Variants in EFHD1 observed in about 807,000 individuals in gnomAD.
EFHD1 encodes EF-hand domain-containing protein D1.
Under a neutral mutation model 17.2 loss-of-function variants are expected in EFHD1, and 10 were observed. The ratio of observed to expected loss-of-function variants is 0.58; its 90% CI spans 0.36 to 0.99. The LOEUF (loss-of-function observed/expected upper bound fraction) is 0.99, where lower values mean the gene tolerates loss of function less well. Ranked by LOEUF, EFHD1 falls within the 50% of genes least tolerant of loss-of-function variation. EFHD1 has a pLI of 0.01. For missense variants in EFHD1, 310 were observed against 327.5 expected (o/e 0.95, Z 0.41); for synonymous variants, 153 against 142.0 (o/e 1.08, Z -0.55).
chr2:232,641,680 G>A (rs1694435020), intron 1 of EFHD1, among the ~76,000 whole-genome samples: 3 of 152,258 alleles, frequency 2.0e-5, no homozygotes, highest in African/African-American at 7.2e-5. Flanking sequence ...CACTTGGTGA[G>A]CATGATTTGG....
intron 3 of EFHD1, among the ~76,000 whole-genome samples, chr2:232,677,214 A>T (rs1418770185): frequency 2.9e-5 from 2 of 68,454 alleles, no homozygotes; most frequent in East Asian, 5.8e-4. Flanking sequence ...CTCTACACAC[A>T]CACACACACA....
chr2:232,617,939 A>C (rs184600934), intron 1 of EFHD1, among the ~76,000 whole-genome samples: 2 of 101,030 alleles, frequency 2.0e-5, no homozygotes, highest in Non-Finnish European at 4.6e-5. Context: ...GCAGAACAAG[A>C]CTCAGTCTAA....
chr2:232,648,628 C>T (rs560259577), intron 1 of EFHD1, among the ~76,000 whole-genome samples: 38 of 152,130 alleles, frequency 2.5e-4, no homozygotes, highest in African/African-American at 8.7e-4. Context: ...GACCACCTGC[C>T]GGTGGGTGTA....
At chr2:232,644,816 A>ATTG (rs1694497518) in intron 1 of EFHD1, among the ~76,000 whole-genome samples, 1 of 114,186 alleles carries the variant, frequency 8.8e-6, no homozygotes, top group Non-Finnish European at 1.8e-5. Context: ...TTTTTTTTTA[A>ATTG]TTTTTAGTGG....
At chr2:232,626,211 A>G (rs1446294680) in intron 1 of EFHD1, among the ~76,000 whole-genome samples, 1 of 151,750 alleles carries the variant, frequency 6.6e-6, no homozygotes, top group Non-Finnish European at 1.5e-5. Context: ...AAAAAAATAT[A>G]TATATATCCT....
intron 1 of EFHD1, among the ~76,000 whole-genome samples, chr2:232,606,884 C>T (rs1435635642): frequency 6.8e-5 from 10 of 147,974 alleles, no homozygotes; most frequent in African/African-American, 2.0e-4. Context: ...AGCGAGACTC[C>T]GTCTCAAAAA....
chr2:232,655,704 A>G (rs533594478), intron 1 of EFHD1, among the ~76,000 whole-genome samples: 2 of 152,210 alleles, frequency 1.3e-5, no homozygotes, highest in African/African-American at 4.8e-5. Flanking sequence ...CACAGAGCCC[A>G]GTTCTGGCAG....
At chr2:232,625,961 C>G (rs150369622) in intron 1 of EFHD1, among the ~76,000 whole-genome samples, 1 of 152,018 alleles carries the variant, frequency 6.6e-6, no homozygotes, top group East Asian at 1.9e-4. Flanking sequence ...GAGGCTGCGG[C>G]GGGAGGATTG....
At chr2:232,620,961 C>T in intron 1 of EFHD1, among the ~76,000 whole-genome samples, 1 of 152,034 alleles carries the variant, frequency 6.6e-6, no homozygotes, top group African/African-American at 2.4e-5. Flanking sequence ...GAGGGAGTGT[C>T]GGGGTTCTCT....
intron 1 of EFHD1, among the ~76,000 whole-genome samples, chr2:232,634,427 T>A (rs916771109): frequency 3.3e-5 from 5 of 152,226 alleles, no homozygotes; most frequent in African/African-American, 4.8e-5. Context: ...CCTTTTATCT[T>A]TTAAAACAAA....
intron 1 of EFHD1, among the ~76,000 whole-genome samples, chr2:232,617,180 C>T (rs1188309082): frequency 6.6e-6 from 1 of 152,194 alleles, no homozygotes; most frequent in Non-Finnish European, 1.5e-5. Flanking sequence ...GTTCAGGGTT[C>T]CAAAACAAGT....
chr2:232,626,315 G>A (rs1211437382), intron 1 of EFHD1, among the ~76,000 whole-genome samples: 1 of 152,172 alleles, frequency 6.6e-6, no homozygotes, highest in Non-Finnish European at 1.5e-5. Context: ...GGAGGCTGAG[G>A]CAGGCGGATC....
chr2:232,681,925 ACCTCTGTCTCCTG>A lies in EFHD1; in HGVS notation c.*213_*225del. Reference sequence around the variant, plus strand: ...CCTGGGGTGGGCCAGATGCCTGCCCACCTCTGTCTCCTGCCTCTGCTCCTCTGCCCTTCTTATA... The same window carrying A: ...CCTGGGGTGGGCCAGATGCCTGCCCACCTCTGCTCCTCTGCCCTTCTTATA... On this transcript the variant is annotated 3_prime_UTR_variant, in exon 4 of 4. Coordinates refer to ENST00000264059, the MANE Select transcript of EFHD1 (RefSeq NM_025202.4). 1 of 631,314 alleles carries A rather than the reference ACCTCTGTCTCCTG, an allele frequency of 1.6e-6. No homozygotes were observed. The highest frequency in any genetic ancestry group is 2.6e-6 in the Non-Finnish European group (1 of 391,912). 39.1% of individuals were successfully genotyped at this position (631,314 alleles called of 1,614,324 possible).
chr2:232,612,666 C>T (rs911365222), intron 1 of EFHD1, among the ~76,000 whole-genome samples: 7 of 151,832 alleles, frequency 4.6e-5, no homozygotes, highest in African/African-American at 1.7e-4. Flanking sequence ...CTCTCATGCG[C>T]TGCTATTGGA....
chr2:232,654,292 C>CT (rs1459433469), intron 1 of EFHD1, among the ~76,000 whole-genome samples: 2 of 151,772 alleles, frequency 1.3e-5, no homozygotes, highest in African/African-American at 4.8e-5. Flanking sequence ...CATATTTGAC[C>CT]TTTTTTGTTA....
intron 1 of EFHD1, among the ~76,000 whole-genome samples, chr2:232,645,469 T>G (rs1559346630): frequency 6.6e-6 from 1 of 152,162 alleles, no homozygotes; most frequent in Non-Finnish European, 1.5e-5. Flanking sequence ...GGGACAGCCC[T>G]GATCAAAAAA....
chr2:232,654,475 C>A (rs1236567436), intron 1 of EFHD1, among the ~76,000 whole-genome samples: 27 of 130,608 alleles, frequency 2.1e-4, no homozygotes, highest in African/African-American at 7.0e-4. Flanking sequence ...GGGTGGAGTG[C>A]AGTGGCACAA....
In EFHD1 at chr2:232,681,966, C is replaced by A; in HGVS notation, c.*247C>A. On this transcript the variant is annotated 3_prime_UTR_variant, in exon 4 of 4. Coordinates refer to ENST00000264059, the MANE Select transcript of EFHD1 (RefSeq NM_025202.4). The stretch of plus-strand genomic sequence containing the variant: ...TCTGCTCCTCTGCCCTTCTTATAGC[C>A]AGAACTTGTATCTTCTCAGCAACCT... The A allele has an allele frequency of 2.1e-6, 1 of 468,940 alleles. No homozygotes were observed. The allele number at this position is 468,940 out of a possible 1,614,324, so 29.0% of individuals were successfully genotyped here.
upstream of EFHD1, among the ~76,000 whole-genome samples, chr2:232,631,280 CTT>C (rs1694196511): frequency 1.3e-5 from 2 of 151,206 alleles, no homozygotes; most frequent in African/African-American, 2.4e-5. Flanking sequence ...CTCTCTCTCT[CTT>C]TCTTTCTCTC....
Sources: allele counts gnomAD v4.1 joint callset (sites outside exome capture counted in the v4.1 genomes callset), GRCh38; gene constraint gnomAD v4.1.1; transcripts MANE v1.5; gene names NCBI Gene and HGNC (gene_info 2026-07-23, HGNC 2026-07-21).